GPHN: variants seen among roughly 807,000 people sequenced by gnomAD.
GPHN encodes gephyrin.
Under a neutral mutation model 95.5 loss-of-function variants are expected in GPHN, and 17 were observed. The ratio of observed to expected loss-of-function variants is 0.18; its 90% confidence interval spans 0.12 to 0.27. The LOEUF is 0.27. Ranked by LOEUF, GPHN falls within the 10% of genes least tolerant of loss-of-function variation. The pLI is 1.00. For synonymous variants in GPHN, 320 were observed against 322.5 expected (o/e 0.99, Z 0.08); for missense variants, 660 against 978.1 (o/e 0.67, Z 4.34).
the GPHN span, chr14:67,340,048 A>G: frequency 2.2e-3 from 351 of 157,610 alleles, 1 homozygote; most frequent in Middle Eastern, 3.3e-3. Context: ...AAAAAAAAAA[A>G]AAAAGAATAA....
At chr14:67,558,709 G>T in the GPHN span, among the ~76,000 whole-genome samples, 1 of 152,230 alleles carries the variant, frequency 6.6e-6, no homozygotes, top group East Asian at 1.9e-4. Context: ...ACAGAGGCAA[G>T]TCACTTCTTG....
chr14:66,723,986 T>TACACACACAC (rs371629259), intron 2 of GPHN, among the ~76,000 whole-genome samples: 1 of 127,854 alleles, frequency 7.8e-6, no homozygotes, highest in South Asian at 2.3e-4. Context: ...CATGCATACA[T>TACACACACAC]ACACACACAC....
intron 9 of GPHN, among the ~76,000 whole-genome samples, chr14:67,013,394 T>C (rs962850922): frequency 6.6e-6 from 1 of 152,022 alleles, no homozygotes; most frequent in African/African-American, 2.4e-5. Flanking sequence ...AGAAAAAAAT[T>C]TACATACATC....
intron 8 of GPHN, among the ~76,000 whole-genome samples, chr14:66,943,127 A>C (rs2067526305): frequency 6.6e-6 from 1 of 152,186 alleles, no homozygotes; most frequent in Admixed American, 6.5e-5. Context: ...CAAGATTTTT[A>C]CAGTCCTTCT....
At chr14:67,191,667 C>G in the GPHN span, among the ~76,000 whole-genome samples, 5 of 152,178 alleles carry the variant, frequency 3.3e-5, no homozygotes, top group Admixed American at 2.0e-4. Flanking sequence ...CCTAATGGAG[C>G]CTTGATCATC....
intron 18 of GPHN, among the ~76,000 whole-genome samples, chr14:67,156,468 T>G (rs577661658): frequency 6.6e-6 from 1 of 152,256 alleles, no homozygotes; most frequent in African/African-American, 2.4e-5. Context: ...ATGAGTAGAC[T>G]GTAATAAGTC....
the GPHN span, among the ~76,000 whole-genome samples, chr14:67,619,622 G>A: frequency 1.3e-5 from 2 of 152,262 alleles, no homozygotes; most frequent in Non-Finnish European, 2.9e-5. Flanking sequence ...GGCATGGGCC[G>A]GCCGCCTCCC....
At chr14:66,685,320 C>T (rs538319885) in intron 2 of GPHN, among the ~76,000 whole-genome samples, 16 of 152,286 alleles carry the variant, frequency 1.1e-4, no homozygotes, top group African/African-American at 3.6e-4. Context: ...CCTGAGGAAT[C>T]GCCACACTGT....
the GPHN span, among the ~76,000 whole-genome samples, chr14:67,326,909 T>C: frequency 6.6e-6 from 1 of 152,256 alleles, no homozygotes; most frequent in East Asian, 1.9e-4. Context: ...GCACAGTGGC[T>C]CACGCCTGTA....
chr14:67,562,541 G>T, the GPHN span: 1 of 1,609,244 alleles, frequency 6.2e-7, no homozygotes, highest in Non-Finnish European at 8.5e-7. Context: ...TGCCAGGGAA[G>T]GTGGTCCTGG....
intron 2 of GPHN, among the ~76,000 whole-genome samples, chr14:66,762,602 C>A (rs1473396165): frequency 6.7e-6 from 1 of 150,104 alleles, no homozygotes; most frequent in Non-Finnish European, 1.5e-5. Flanking sequence ...TGACATTGTT[C>A]TAAGTAGCAG....
intron 9 of GPHN, 85 bp downstream of exon 9, chr14:66,965,410 G>A: frequency 1.6e-6 from 2 of 1,219,476 alleles, no homozygotes; most frequent in East Asian, 2.3e-5. Flanking sequence ...GCTTGTCAAG[G>A]TTGGATTGCA....
the GPHN span, among the ~76,000 whole-genome samples, chr14:67,186,837 T>G: frequency 6.6e-6 from 1 of 152,190 alleles, no homozygotes; most frequent in African/African-American, 2.4e-5. Flanking sequence ...CTCCAGCAAT[T>G]CAATGCAGAG....
At chr14:67,603,986 C>G in the GPHN span, among the ~76,000 whole-genome samples, 1 of 149,904 alleles carries the variant, frequency 6.7e-6, no homozygotes, top group African/African-American at 2.5e-5. Context: ...CAGCCCTGCC[C>G]TTGTTTTTTG....
chr14:66,567,806 C>T (rs560454540), intron 1 of GPHN, among the ~76,000 whole-genome samples: 1 of 151,924 alleles, frequency 6.6e-6, no homozygotes, highest in African/African-American at 2.4e-5. Context: ...TATTTTGTAC[C>T]TTTGTTAACT....
chr14:67,070,715 A>AAAAAAAAAAAAAAAAATATATATAT, intron 11 of GPHN, among the ~76,000 whole-genome samples: 1 of 80,700 alleles, frequency 1.2e-5, no homozygotes, highest in Non-Finnish European at 1.9e-5. Context: ...AAAAAAAAAA[A>AAAAAAAAAAAAAAAAATATATATAT]ATATATATAT....
rs935974471 is a variant in GPHN, at chr14:66,538,641, T to C, written c.64+30050T>C. On this transcript the variant is annotated intron_variant, in intron 1 of 22. Transcript: ENST00000478722. ...TTTTTTGTTGATTATCTCCATCCTT[T>C]TATAAATTTTATTCATTTTTTTTCC... 2.0e-5 allele frequency among the ~76,000 whole-genome samples: 3 copies of C among 151,962 alleles called. No homozygotes were observed. In the East Asian group the frequency reaches 5.8e-4, roughly 29 times the overall value.
chr14:67,049,220 G>GTTA, intron 10 of GPHN, among the ~76,000 whole-genome samples: 1 of 151,356 alleles, frequency 6.6e-6, no homozygotes, highest in Admixed American at 6.6e-5. Flanking sequence ...GTTTGTTGTT[G>GTTA]TTGTTGTTGT....
At chr14:67,705,249 G>T in the GPHN span, among the ~76,000 whole-genome samples, 1 of 152,214 alleles carries the variant, frequency 6.6e-6, no homozygotes, top group Non-Finnish European at 1.5e-5. Flanking sequence ...CAATACAGAG[G>T]TTACAGTCCT....
Sources: gnomAD v4.1 joint callset for allele counts (sites outside exome capture counted in the v4.1 genomes callset) on GRCh38, gnomAD v4.1.1 for gene constraint, MANE v1.5 for transcripts, NCBI Gene and HGNC (gene_info 2026-07-23, HGNC 2026-07-21) for gene names.